Variants in USP15 observed in about 807,000 individuals in gnomAD.
USP15 encodes ubiquitin carboxyl-terminal hydrolase 15.
Under a neutral mutation model 127.1 loss-of-function variants are expected in USP15, and 18 were observed. The ratio of observed to expected loss-of-function variants is 0.14; its 90% CI spans 0.10 to 0.21. The LOEUF is 0.21. Among genes scored for constraint, USP15 ranks in the 10% least tolerant of loss-of-function variants. The pLI is 1.00. For synonymous variants in USP15, 364 were observed against 393.7 expected (o/e 0.92, Z 0.89); for missense variants, 805 against 1,159.9 (o/e 0.69, Z 4.44).
chr12:62,351,675 A>G (rs1319832151), intron 7 of USP15, among the ~76,000 whole-genome samples: 1 of 152,002 alleles, frequency 6.6e-6, no homozygotes, highest in Non-Finnish European at 1.5e-5. Flanking sequence ...AGTTTGAATG[A>G]TTCTATCATA....
chr12:62,284,540 G>A (rs1030588868), intron 1 of USP15, among the ~76,000 whole-genome samples: 3 of 152,164 alleles, frequency 2.0e-5, no homozygotes, highest in Non-Finnish European at 2.9e-5. Context: ...ATTTTCGGAC[G>A]TAACTGTGGG....
intron 11 of USP15, among the ~76,000 whole-genome samples, chr12:62,388,413 G>C (rs112674759): frequency 6.6e-6 from 1 of 152,150 alleles, no homozygotes; most frequent in South Asian, 2.1e-4. Context: ...GATTACAGGC[G>C]TGAGCCACTG....
At chr12:62,340,826 C>T (rs773039258) in intron 6 of USP15, among the ~76,000 whole-genome samples, 5 of 150,610 alleles carry the variant, frequency 3.3e-5, no homozygotes, top group East Asian at 1.9e-4. Context: ...AAGTGCCATG[C>T]GGTGCTGAGA....
chr12:62,347,575 A>G (rs1172196047), intron 6 of USP15, among the ~76,000 whole-genome samples: 2 of 151,910 alleles, frequency 1.3e-5, no homozygotes, highest in Admixed American at 1.3e-4. Flanking sequence ...TTTTTTCCTA[A>G]TTTAGAATTC....
intron 1 of USP15, among the ~76,000 whole-genome samples, chr12:62,261,285 CA>C (rs749680955): frequency 4.6e-5 from 7 of 152,288 alleles, no homozygotes; most frequent in Non-Finnish European, 8.8e-5. Flanking sequence ...AAAGGTTATA[CA>C]TTTAAAATAC....
In USP15 at chr12:62,407,114, TAGCC is replaced by T. The variant is rs1299112663; in HGVS notation, c.*2743_*2746del. On this transcript the variant is annotated 3_prime_UTR_variant, in exon 22 of 22. Transcript: ENST00000280377. ...TTTACCTGTAGAATAATGATGATAA[TAGCC>T]AGCATTTATTGAGCACTTACTATGG... 7.9e-5 allele frequency: 12 copies of T among 152,218 alleles called. No individual in the cohort carries two copies. The highest frequency in any genetic ancestry group is 2.7e-4 in the African/African-American group (11 of 41,456). The allele number at this position is 152,218 out of a possible 1,614,324, so 9.4% of individuals were successfully genotyped here. A position where few individuals can be genotyped will look rare whatever the true frequency, so the allele number is the denominator to read the frequency against.
intron 3 of USP15, among the ~76,000 whole-genome samples, chr12:62,310,291 A>G (rs2064625120): frequency 6.6e-6 from 1 of 151,854 alleles, no homozygotes; most frequent in Admixed American, 6.6e-5. Context: ...TTTGTTAAGT[A>G]TAGTCACCCT....
intron 7 of USP15, among the ~76,000 whole-genome samples, chr12:62,350,948 C>T (rs985672488): frequency 3.3e-5 from 5 of 150,920 alleles, no homozygotes; most frequent in African/African-American, 1.2e-4. Flanking sequence ...TACATTTTCA[C>T]ATTCACTACT....
intron 21 of USP15, among the ~76,000 whole-genome samples, chr12:62,402,602 A>T (rs375447352): frequency 6.6e-6 from 1 of 152,106 alleles, no homozygotes; most frequent in Non-Finnish European, 1.5e-5. Flanking sequence ...ACAAAGCGTG[A>T]CATTTTAAGG....
At chr12:62,334,192 G>A (rs1037974054) in intron 6 of USP15, 5 of 152,128 alleles carry the variant, frequency 3.3e-5, no homozygotes, top group Admixed American at 1.3e-4. Context: ...CTGCTGAAGC[G>A]AGCACTAGAA....
At position 62,416,335 on chromosome 12, in the gene USP15, G is replaced by T. The variant is rs1488396674; in HGVS notation, c.*11960G>T. On this transcript the variant is annotated 3_prime_UTR_variant, in exon 22 of 22. Transcript: ENST00000280377. ...TTCTTAAGATGTTAAGATGGTGTAT[G>T]TGTGGCATAGTATTTGTTCCTAAAT... The T allele has an allele frequency of 1.3e-5, 2 of 152,212 alleles. No individual in the cohort carries two copies. The highest frequency in any genetic ancestry group is 2.9e-5 in the Non-Finnish European group (2 of 68,038). 9.4% of individuals were successfully genotyped at this position (152,212 alleles called of 1,614,324 possible).
chr12:62,364,833 T>G (rs935657532), intron 8 of USP15, among the ~76,000 whole-genome samples: 3 of 152,150 alleles, frequency 2.0e-5, no homozygotes, highest in Non-Finnish European at 4.4e-5. Context: ...GTTGTGATAG[T>G]TTGCTGAGAA....
At chr12:62,351,749 T>G (rs746898405) in intron 7 of USP15, among the ~76,000 whole-genome samples, 35 of 152,074 alleles carry the variant, frequency 2.3e-4, no homozygotes, top group Non-Finnish European at 4.3e-4. Flanking sequence ...AGCCCTGTCA[T>G]ATTATGGAAT....
chr12:62,393,940 A>T (rs75942983), intron 19 of USP15: 9,233 of 152,322 alleles, frequency 0.061, 371 homozygotes, highest in Middle Eastern at 0.11. Context: ...GCTTAGAAGG[A>T]TAACACAGTA....
chr12:62,329,047 T>A (rs1019175841), intron 6 of USP15, among the ~76,000 whole-genome samples: 1 of 152,078 alleles, frequency 6.6e-6, no homozygotes, highest in Non-Finnish European at 1.5e-5. Context: ...AAATAAGAAA[T>A]ATAACACTTA....
Position 62,286,878 on chromosome 12 carries a change from G to A in USP15, c.90-7301G>A, listed in dbSNP as rs190738094. On this transcript the variant is annotated intron_variant, in intron 1 of 21. Coordinates refer to ENST00000280377, the MANE Select transcript of USP15 (RefSeq NM_001252078.2). ...CTTGAACCCGGGAGGTGGAAGTTGC[G>A]GTGAGCTGAGATCGCACCATTGCAC... Among the ~76,000 whole-genome samples, 62 of 151,664 alleles carry A rather than the reference G, an allele frequency of 4.1e-4. No individual in the cohort carries two copies. The South Asian group carries it at 8.2e-3, about 20-fold the overall frequency.
chr12:62,317,764 A>T (rs2064872732), intron 4 of USP15, among the ~76,000 whole-genome samples: 1 of 152,192 alleles, frequency 6.6e-6, no homozygotes, highest in African/African-American at 2.4e-5. Context: ...TACTACCTAC[A>T]CTGATATATA....
intron 1 of USP15, among the ~76,000 whole-genome samples, chr12:62,293,902 C>T (rs1448824544): frequency 6.6e-6 from 1 of 151,956 alleles, no homozygotes; most frequent in African/African-American, 2.4e-5. Flanking sequence ...CGGTTATTTC[C>T]ATTTTTATTC....
intron 2 of USP15, among the ~76,000 whole-genome samples, chr12:62,295,027 A>G (rs2064086400): frequency 6.6e-6 from 1 of 152,180 alleles, no homozygotes; most frequent in South Asian, 2.1e-4. Flanking sequence ...GACCCTTGCT[A>G]TCTCCCTTAG....
Sources: allele counts gnomAD v4.1 joint callset (sites outside exome capture counted in the v4.1 genomes callset), GRCh38; gene constraint gnomAD v4.1.1; transcripts MANE v1.5; gene names NCBI Gene and HGNC (gene_info 2026-07-23, HGNC 2026-07-21).